AMPH: variants seen among roughly 807,000 people sequenced by gnomAD.
AMPH encodes the protein amphiphysin.
AMPH carries 49 observed loss-of-function variants against 99.1 expected under a neutral mutation model. The observed-to-expected ratio is 0.49, with a 90% CI of 0.39 to 0.63. AMPH has a LOEUF of 0.63. Ranked by LOEUF, AMPH falls within the 20% of genes least tolerant of loss-of-function variation. AMPH has a pLI of 0.00. For missense variants in AMPH, 759 were observed against 863.4 expected (o/e 0.88, Z 1.52); for synonymous variants, 314 against 317.3 (o/e 0.99, Z 0.11).
At chr7:38,574,036 C>G (rs1401560868) in intron 1 of AMPH, among the ~76,000 whole-genome samples, 1 of 152,166 alleles carries the variant, frequency 6.6e-6, no homozygotes, top group Non-Finnish European at 1.5e-5. Flanking sequence ...TGCTCAAACA[C>G]AATGCCATGC....
At chr7:38,506,818 A>G (rs1789342316) in intron 2 of AMPH, among the ~76,000 whole-genome samples, 1 of 152,200 alleles carries the variant, frequency 6.6e-6, no homozygotes, top group Non-Finnish European at 1.5e-5. Flanking sequence ...GGGATGAAAC[A>G]CAGAACTTCA....
At chr7:38,612,084 C>CTTTTTTTTTTTTTTTTTTTTTTT (rs777855014) in intron 1 of AMPH, among the ~76,000 whole-genome samples, 2 of 90,860 alleles carry the variant, frequency 2.2e-5, no homozygotes, top group Non-Finnish European at 4.2e-5. Flanking sequence ...TTTTTGTCTT[C>CTTTTTTTTTTTTTTTTTTTTTTT]TTCTTTTTTT....
Position 38,387,387 on chromosome 7 carries a change from C to G in AMPH, c.1980+2417G>C, listed in dbSNP as rs575143053. On this transcript the variant is annotated intron_variant, in intron 20 of 20. Coordinates refer to ENST00000356264, the MANE Select transcript of AMPH (RefSeq NM_001635.4). ...TTGTTCAAGTATATAAATTGAGAGACAGTAATAATGAAAGACTATAAGTGG... is the reference window on the plus strand; with the variant it reads ...TTGTTCAAGTATATAAATTGAGAGAGAGTAATAATGAAAGACTATAAGTGG... Among the ~76,000 whole-genome samples, 11 of 152,020 alleles carry G rather than the reference C, an allele frequency of 7.2e-5. No individual in the cohort carries two copies. In the East Asian group the frequency reaches 1.5e-3, roughly 21 times the overall value.
At chr7:38,387,541 A>G (rs918962953) in intron 20 of AMPH, among the ~76,000 whole-genome samples, 2 of 152,134 alleles carry the variant, frequency 1.3e-5, no homozygotes, top group Non-Finnish European at 2.9e-5. Flanking sequence ...TAGCAGAGGA[A>G]ACACTCATAG....
At chr7:38,612,087 C>CTTTTTT (rs56111676) in intron 1 of AMPH, among the ~76,000 whole-genome samples, 14 of 97,364 alleles carry the variant, frequency 1.4e-4, no homozygotes, top group South Asian at 3.6e-4. Flanking sequence ...TTGTCTTCTT[C>CTTTTTT]TTTTTTTTTT....
At chr7:38,447,179 C>G (rs1786820921) in intron 11 of AMPH, among the ~76,000 whole-genome samples, 1 of 151,994 alleles carries the variant, frequency 6.6e-6, no homozygotes, top group African/African-American at 2.4e-5. Context: ...GCCACCATGC[C>G]CAGTCAATTT....
intron 13 of AMPH, among the ~76,000 whole-genome samples, chr7:38,431,345 A>G (rs1266157865): frequency 6.6e-6 from 1 of 152,202 alleles, no homozygotes; most frequent in East Asian, 1.9e-4. Context: ...TGAGAAAAAA[A>G]TGATGCTTAG....
intron 1 of AMPH, among the ~76,000 whole-genome samples, chr7:38,610,331 GAAAAA>G (rs61322939): frequency 5.5e-5 from 2 of 36,588 alleles, no homozygotes; most frequent in Admixed American, 3.4e-4. Flanking sequence ...GAAAAGAAAA[GAAAAA>G]AGAAAAGAAA....
chr7:38,629,280 G>GA (rs1794371449), intron 1 of AMPH, among the ~76,000 whole-genome samples: 1 of 152,158 alleles, frequency 6.6e-6, no homozygotes, highest in African/African-American at 2.4e-5. Flanking sequence ...AGAAAGGGGG[G>GA]CAGAACTCAC....
At chr7:38,612,205 T>C (rs1240465550) in intron 1 of AMPH, among the ~76,000 whole-genome samples, 1 of 147,688 alleles carries the variant, frequency 6.8e-6, no homozygotes. Context: ...GCCTCCCAAG[T>C]AGCTGGGATT....
chr7:38,627,601 GC>G lies in AMPH; in HGVS notation c.69+3681del, dbSNP rs914303728. ...ACCCAGGAGGTGGAGCTTGCAGTGA[GC>G]CGAGATCGCGCCATTGCACTCCAGC... On this transcript the variant is annotated intron_variant, in intron 1 of 20. Coordinates refer to ENST00000356264, the MANE Select transcript of AMPH (RefSeq NM_001635.4). Among the ~76,000 whole-genome samples the G allele has an allele frequency of 2.1e-5, 3 of 141,398 alleles. No homozygotes were observed. The Admixed American group carries it at 2.2e-4, about 11-fold the overall frequency. The allele number at this position is 141,398 out of a possible 152,430, so 92.8% of individuals were successfully genotyped here.
chr7:38,418,177 C>T, intron 16 of AMPH: 1 of 370,604 alleles, frequency 2.7e-6, no homozygotes, highest in Non-Finnish European at 4.7e-6. Flanking sequence ...TCAAGACTGT[C>T]ATTTCCCTTG....
chr7:38,492,050 A>G (rs1788739437), intron 4 of AMPH, among the ~76,000 whole-genome samples: 1 of 152,200 alleles, frequency 6.6e-6, no homozygotes, highest in South Asian at 2.1e-4. Flanking sequence ...CATTTCTCTC[A>G]CTAGCACATT....
intron 1 of AMPH, among the ~76,000 whole-genome samples, chr7:38,593,456 A>G (rs565154255): frequency 6.6e-6 from 1 of 152,374 alleles, no homozygotes; most frequent in South Asian, 2.1e-4. Context: ...GGTAACAAGC[A>G]GCGTTCCTGA....
intron 11 of AMPH, among the ~76,000 whole-genome samples, chr7:38,451,291 G>GCACA (rs1787007264): frequency 1.4e-5 from 2 of 147,484 alleles, no homozygotes; most frequent in African/African-American, 5.2e-5. Context: ...ATATACACAT[G>GCACA]CACACATATA....
In AMPH at chr7:38,475,397, T is replaced by G. The variant is rs772291381; in HGVS notation, c.524A>C (p.Lys175Thr). ...RISKAEEEFQKAQKVFEEFNV... is the reference protein window; with the variant it reads ...RISKAEEEFQTAQKVFEEFNV... ...AAACTCTTCAAACACTTTCTGTGCTTTCTGAAATTCTTCTTCTGCCTAGGA... is the reference window on the plus strand; with the variant it reads ...AAACTCTTCAAACACTTTCTGTGCTGTCTGAAATTCTTCTTCTGCCTAGGA... The change falls in exon 7 of 21, where the codon AAA (lysine) becomes ACA (threonine). Residue 175 changes from lysine to threonine, a missense_variant. By Grantham distance (78) the Lys-to-Thr change is moderately conservative (BLOSUM62 -1). This residue lies in a region of AMPH where 205 missense variants were observed against 287.9 expected (regional missense o/e 0.71). Transcript: ENST00000356264. The G allele has an allele frequency of 6.2e-7, 1 of 1,612,704 alleles. No individual in the cohort carries two copies. The highest frequency in any genetic ancestry group is 8.5e-7 in the Non-Finnish European group (1 of 1,179,196).
intron 1 of AMPH, among the ~76,000 whole-genome samples, chr7:38,568,982 G>C (rs898601862): frequency 6.6e-6 from 1 of 152,122 alleles, no homozygotes; most frequent in African/African-American, 2.4e-5. Flanking sequence ...GCTTAGAGAG[G>C]CACAAGGTAA....
At chr7:38,415,737 C>T (rs750610598) in intron 17 of AMPH, among the ~76,000 whole-genome samples, 2 of 151,916 alleles carry the variant, frequency 1.3e-5, no homozygotes, top group Non-Finnish European at 2.9e-5. Context: ...TCTTAGTTAA[C>T]ATTGTTACTA....
At chr7:38,596,831 TA>T (rs1277956139) in intron 1 of AMPH, among the ~76,000 whole-genome samples, 1 of 151,368 alleles carries the variant, frequency 6.6e-6, no homozygotes, top group Admixed American at 6.6e-5. Context: ...CACCCTGAGG[TA>T]GATGGCCTTC....
Sources: allele counts gnomAD v4.1 joint callset (sites outside exome capture counted in the v4.1 genomes callset), GRCh38; gene constraint gnomAD v4.1.1; regional missense constraint gnomAD v4.1.1; transcripts MANE v1.5; gene names NCBI Gene and HGNC (gene_info 2026-07-23, HGNC 2026-07-21).